ADD3: variants seen among roughly 807,000 people sequenced by gnomAD.
The protein encoded by ADD3 is gamma-adducin.
A neutral mutation model predicts 80.2 loss-of-function variants in ADD3; 25 were observed. The ratio of observed to expected loss-of-function variants is 0.31; its 90% confidence interval spans 0.23 to 0.44. The LOEUF is 0.44. Ranked by LOEUF, ADD3 falls within the 20% of genes least tolerant of loss-of-function variation. The probability of loss-of-function intolerance (pLI) is 1.00; values close to 1 mark genes in which losing one functional copy is unlikely to be tolerated. For missense variants in ADD3, 829 were observed against 847.5 expected, an observed-to-expected ratio of 0.98 and a Z score of 0.27; for synonymous variants, 284 against 289.6, an observed-to-expected ratio of 0.98 and a Z score of 0.20.
At chr10:110,069,060 G>A (rs1844351062) in intron 1 of ADD3, among the ~76,000 whole-genome samples, 1 of 151,936 alleles carries the variant, frequency 6.6e-6, no homozygotes, top group African/African-American at 2.4e-5. Flanking sequence ...CTGGGCAATA[G>A]AGTGGGACCC....
rs528955446 is a variant in ADD3 at position 110,096,768 on chromosome 10, T to C, written c.-29-3857T>C. On this transcript the variant is annotated intron_variant, in intron 1 of 14. Transcript: ENST00000356080. ...ACAAGTCCAAACCAGATTTAAGGGATAGGAAAATAGTCTCTACTTCTTAGT... is the reference window on the plus strand; with the variant it reads ...ACAAGTCCAAACCAGATTTAAGGGACAGGAAAATAGTCTCTACTTCTTAGT... 4.6e-5 allele frequency among the ~76,000 whole-genome samples: 7 copies of C among 152,260 alleles called. No homozygotes were observed. The East Asian group carries it at 1.2e-3, about 25-fold the overall frequency.
At chr10:110,044,510 G>A (rs906299438) in intron 1 of ADD3, among the ~76,000 whole-genome samples, 1 of 152,146 alleles carries the variant, frequency 6.6e-6, no homozygotes, top group African/African-American at 2.4e-5. Flanking sequence ...TTTGTTTAAT[G>A]TAACATAGGT....
chr10:110,053,302 G>A (rs996411158), intron 1 of ADD3, among the ~76,000 whole-genome samples: 1 of 151,800 alleles, frequency 6.6e-6, no homozygotes, highest in Admixed American at 6.6e-5. Flanking sequence ...GGATTTTTTT[G>A]TTGTTGTGGC....
In ADD3 at chr10:110,113,822, G is replaced by C. The variant is rs201338427; in HGVS notation, c.334+907G>C. On this transcript the variant is annotated intron_variant, in intron 3 of 14. Transcript: ENST00000356080. ...GGGAAATGGAGGAAGTTCAACTTTGGGCATGCTCCATTTGCATTGCCAAGA... is the reference window on the plus strand; with the variant it reads ...GGGAAATGGAGGAAGTTCAACTTTGCGCATGCTCCATTTGCATTGCCAAGA... Among the ~76,000 whole-genome samples the C allele has an allele frequency of 1.8e-4, 27 of 152,236 alleles. No individual in the cohort carries two copies. In the East Asian group the frequency reaches 5.2e-3, roughly 29 times the overall value.
chr10:110,001,459 A>T (rs1292934997), upstream of ADD3, among the ~76,000 whole-genome samples: 1 of 151,658 alleles, frequency 6.6e-6, no homozygotes, highest in Non-Finnish European at 1.5e-5. Flanking sequence ...GAGGTTAAAT[A>T]TTTTGCACAC....
chr10:110,123,960 C>T, intron 9 of ADD3, 57 bp from the exon 10 acceptor site: 1 of 1,538,770 alleles, frequency 6.5e-7, no homozygotes, highest in East Asian at 2.3e-5. Context: ...AATTAGGATC[C>T]AAATGCTGTT....
chr10:110,004,768 C>T (rs1851564915), upstream of ADD3, among the ~76,000 whole-genome samples: 1 of 152,042 alleles, frequency 6.6e-6, no homozygotes, highest in South Asian at 2.1e-4. Context: ...TCTTTCTATT[C>T]ATATTTTGAG....
intron 1 of ADD3, among the ~76,000 whole-genome samples, chr10:110,048,263 CTCTTTT>C (rs1857118328): frequency 6.6e-6 from 1 of 152,184 alleles, no homozygotes; most frequent in African/African-American, 2.4e-5. Context: ...GTCCATAAAT[CTCTTTT>C]TCTTTATGAA....
intron 1 of ADD3, among the ~76,000 whole-genome samples, chr10:110,034,037 C>G (rs1855356277): frequency 6.6e-6 from 1 of 152,186 alleles, no homozygotes; most frequent in Non-Finnish European, 1.5e-5. Flanking sequence ...TGTTAAAACT[C>G]AGTGTGTCTC....
At chr10:110,027,053 T>TA (rs60347462) in intron 1 of ADD3, among the ~76,000 whole-genome samples, 1,617 of 152,336 alleles carry the variant, frequency 0.011, 31 homozygotes, top group African/African-American at 0.038. Flanking sequence ...GCATAATTCT[T>TA]AAACAGTAAA....
intron 1 of ADD3, among the ~76,000 whole-genome samples, chr10:110,056,887 G>C (rs1009423874): frequency 1.8e-4 from 28 of 152,152 alleles, no homozygotes; most frequent in African/African-American, 6.8e-4. Flanking sequence ...GTCTTCTTTA[G>C]CTATCACAGG....
intron 2 of ADD3, among the ~76,000 whole-genome samples, chr10:110,107,746 A>G (rs377534882): frequency 6.6e-6 from 1 of 151,946 alleles, no homozygotes; most frequent in East Asian, 1.9e-4. Context: ...TGACAATTAA[A>G]TAAAATAACA....
At chr10:110,068,569 C>T (rs778230354) in intron 1 of ADD3, among the ~76,000 whole-genome samples, 7 of 152,150 alleles carry the variant, frequency 4.6e-5, no homozygotes, top group African/African-American at 1.2e-4. Flanking sequence ...GGTCCTAGAA[C>T]TAATCCCTGA....
intron 8 of ADD3, among the ~76,000 whole-genome samples, chr10:110,120,544 G>A (rs71479291): frequency 0.12 from 17,832 of 152,030 alleles, 1,302 homozygotes; most frequent in Admixed American, 0.16. Flanking sequence ...ACGTGTGCAT[G>A]TGTCTTTATA....
chr10:110,072,514 G>T (rs997330698), intron 1 of ADD3, among the ~76,000 whole-genome samples: 1 of 152,198 alleles, frequency 6.6e-6, no homozygotes, highest in Non-Finnish European at 1.5e-5. Flanking sequence ...GTAAGCCAGA[G>T]GGTTGTGGGA....
chr10:110,079,999 C>T (rs1044235899), intron 1 of ADD3, among the ~76,000 whole-genome samples: 4 of 152,202 alleles, frequency 2.6e-5, no homozygotes, highest in Non-Finnish European at 4.4e-5. Flanking sequence ...CTCCTACCTC[C>T]GTTTTGGGAT....
chr10:110,007,743 G>GGACCAGGACTCCCGAGGGGCGC (rs1564828554), upstream of ADD3, among the ~76,000 whole-genome samples: 1 of 152,116 alleles, frequency 6.6e-6, no homozygotes, highest in African/African-American at 2.4e-5. Flanking sequence ...TGCGGGGGCG[G>GGACCAGGACTCCCGAGGGGCGC]GACCAGGACT....
rs557425005 is a variant in ADD3, at chr10:110,124,225, T to C, written c.1352T>C (p.Val451Ala). Residue 451 changes from valine (V) to alanine (A), a missense_variant, in exon 10 of 15, where the codon GTG becomes GCG. By Grantham distance (64) the Val-to-Ala change is moderately conservative (BLOSUM62 0). Coordinates refer to ENST00000356080, the MANE Select transcript of ADD3 (RefSeq NM_016824.5). ...NSPNTYMKVNVPEESRNGETS... is the reference protein window; with the variant it reads ...NSPNTYMKVNAPEESRNGETS... ...CCAAATACTTACATGAAAGTGAATG[T>C]GCCTGAGGAGTCTCGGAACGGAGAA... 3.7e-6 allele frequency: 6 copies of C among 1,614,192 alleles called. No homozygotes were observed. The East Asian group carries it at 1.1e-4, about 30-fold the overall frequency.
chr10:110,040,941 T>G lies in ADD3; in HGVS notation c.-30+32642T>G, dbSNP rs570899279. On this transcript the variant is annotated intron_variant, in intron 1 of 14. Coordinates refer to ENST00000356080, the MANE Select transcript of ADD3 (RefSeq NM_016824.5). ...CTCTCTCTCTCTCGCTCTCTCTCTC[T>G]CTCGCTCTCTCTGTCTCTCTCTGTC... is the stretch of plus-strand genomic sequence containing the variant. Among the ~76,000 whole-genome samples the G allele has an allele frequency of 1.2e-4, 12 of 96,838 alleles. No homozygotes were observed. The East Asian group carries it at 3.7e-3, about 30-fold the overall frequency. 63.5% of individuals were successfully genotyped at this position (96,838 alleles called of 152,430 possible).
Sources: gnomAD v4.1 joint callset for allele counts (sites outside exome capture counted in the v4.1 genomes callset) on GRCh38, gnomAD v4.1.1 for gene constraint, MANE v1.5 for transcripts, NCBI Gene and HGNC (gene_info 2026-07-23, HGNC 2026-07-21) for gene names.